The following PHC3 variants were observed in gnomAD, a reference collection of about 807,000 sequenced individuals.
The protein encoded by PHC3 is polyhomeotic homolog 3.
PHC3 carries 13 observed loss-of-function variants against 107.4 expected under a neutral mutation model. That is an observed-to-expected ratio of 0.12 (90% CI 0.08 to 0.19). The LOEUF is 0.19. Ranked by LOEUF, PHC3 falls within the 10% of genes least tolerant of loss-of-function variation. The pLI, the probability that PHC3 is intolerant of heterozygous loss-of-function variation, is 1.00. For missense variants in PHC3, 992 were observed against 1,210.9 expected (o/e 0.82, Z 2.68); for synonymous variants, 456 against 427.4 (o/e 1.07, Z -0.83).
chr3:170,148,842 C>A, intron 5 of PHC3: 1 of 358,256 alleles, frequency 2.8e-6, no homozygotes, highest in Non-Finnish European at 5.1e-6. Context: ...ATCACTCTTA[C>A]GTTACTGAAT....
intron 4 of PHC3, chr3:170,170,102 A>G (rs1729360657): frequency 6.6e-6 from 1 of 152,114 alleles, no homozygotes; most frequent in African/African-American, 2.4e-5. Flanking sequence ...AAAAAACCAC[A>G]GCTATATGCT....
At chr3:170,180,668 C>T (rs748569984) in intron 1 of PHC3, among the ~76,000 whole-genome samples, 1 of 150,596 alleles carries the variant, frequency 6.6e-6, no homozygotes, top group Non-Finnish European at 1.5e-5. Flanking sequence ...AAACTTTTTA[C>T]CGAACTGCTG....
At chr3:170,136,391 A>G (rs1278826659) in intron 7 of PHC3, 28 bp downstream of exon 7, 1 of 1,611,766 alleles carries the variant, frequency 6.2e-7, no homozygotes. Context: ...GAATAATACA[A>G]CTATTTTCAA....
chr3:170,115,939 A>G (rs529114581), intron 10 of PHC3, among the ~76,000 whole-genome samples: 156 of 151,920 alleles, frequency 1.0e-3, no homozygotes, highest in Non-Finnish European at 2.1e-3. Flanking sequence ...TTGGGTAGCT[A>G]TCTATCATAA....
chr3:170,173,250 C>T (rs1729912237), intron 2 of PHC3, among the ~76,000 whole-genome samples: 1 of 151,264 alleles, frequency 6.6e-6, no homozygotes, highest in South Asian at 2.1e-4. Flanking sequence ...CAGGCCAGGC[C>T]AACTAAGCAT....
intron 4 of PHC3, among the ~76,000 whole-genome samples, chr3:170,162,073 T>C (rs557295673): frequency 3.3e-5 from 5 of 152,334 alleles, no homozygotes; most frequent in Non-Finnish European, 7.3e-5. Context: ...TACAGAAAAT[T>C]GGCAGGCAGG....
intron 8 of PHC3, among the ~76,000 whole-genome samples, chr3:170,126,192 G>GA (rs1227999435): frequency 6.6e-6 from 1 of 151,814 alleles, no homozygotes; most frequent in South Asian, 2.1e-4. Context: ...TTAAGTGTTT[G>GA]AAACAACCAG....
rs561157561 is a variant in PHC3 at position 170,093,957 on chromosome 3, T to C, written c.*3273A>G. 1.3e-5 allele frequency: 2 copies of C among 152,298 alleles called. No homozygotes were observed. The highest frequency in any genetic ancestry group is 4.8e-5 in the African/African-American group (2 of 41,570). The allele number at this position is 152,298 out of a possible 1,614,324, so 9.4% of individuals were successfully genotyped here. On this transcript the variant is annotated 3_prime_UTR_variant, in exon 15 of 15. Coordinates refer to ENST00000495893, the MANE Select transcript of PHC3 (RefSeq NM_024947.4). ...TGCAGAAATGTGCTCAGTGTTGAAGTAGGCTAAGCTAACAAGGATGATGGC... is the reference window on the plus strand; with the variant it reads ...TGCAGAAATGTGCTCAGTGTTGAAGCAGGCTAAGCTAACAAGGATGATGGC...
At position 170,097,140 on chromosome 3, in the gene PHC3, G is replaced by T; in HGVS notation, c.*90C>A. 1 of 1,293,908 alleles carries T rather than the reference G, an allele frequency of 7.7e-7. No individual in the cohort carries two copies. 80.2% of individuals were successfully genotyped at this position (1,293,908 alleles called of 1,614,324 possible). The stretch of plus-strand genomic sequence containing the variant: ...TGTGCTTGGCTATCCACCACAATAA[G>T]TGTCATATTCTAGACCAAGTTAGGC... On this transcript the variant is annotated 3_prime_UTR_variant, in exon 15 of 15. Transcript: ENST00000495893. The surrounding 1 kb of genome is among the most constrained non-coding windows in gnomAD (Gnocchi z 4.1).
intron 4 of PHC3, among the ~76,000 whole-genome samples, chr3:170,152,337 ATTTTTTTTTT>A (rs1220193435): frequency 8.2e-6 from 1 of 122,164 alleles, no homozygotes; most frequent in Non-Finnish European, 1.7e-5. Flanking sequence ...CGCCTGGCTA[ATTTTTTTTTT>A]TTTTTTTTTT....
At chr3:170,152,251 A>C (rs1432374713) in intron 4 of PHC3, among the ~76,000 whole-genome samples, 1 of 150,720 alleles carries the variant, frequency 6.6e-6, no homozygotes, top group African/African-American at 2.4e-5. Context: ...GCTCACTGCA[A>C]CCTCCACCTC....
rs967801893 is a variant in PHC3 at position 170,146,035 on chromosome 3, G to A, written c.574-514C>T. Among the ~76,000 whole-genome samples the A allele has an allele frequency of 7.2e-5, 11 of 152,136 alleles. No individual in the cohort carries two copies. The East Asian group carries it at 2.1e-3, about 29-fold the overall frequency. On this transcript the variant is annotated intron_variant, in intron 5 of 14. Transcript: ENST00000495893. ...TCACTTAGCTACAAAGGATCTAAAG[G>A]ACAAATCCAGGTTGCCCTTTCATTT...
At chr3:170,161,669 CCT>C (rs1454668621) in intron 4 of PHC3, among the ~76,000 whole-genome samples, 8 of 152,164 alleles carry the variant, frequency 5.3e-5, no homozygotes, top group African/African-American at 1.9e-4. Flanking sequence ...TGGCCTGACC[CCT>C]GACTTAAACA....
chr3:170,101,435 A>G (rs557996252), intron 14 of PHC3, among the ~76,000 whole-genome samples: 1 of 152,318 alleles, frequency 6.6e-6, no homozygotes, highest in Admixed American at 6.5e-5. Context: ...TTGCCATCAG[A>G]GAAAGACTAA....
At position 170,177,726 on chromosome 3, in the gene PHC3, A is replaced by G. The variant is rs894049675; in HGVS notation, c.180+1047T>C. Among the ~76,000 whole-genome samples, 3 of 136,928 alleles carry G rather than the reference A, an allele frequency of 2.2e-5. No individual in the cohort carries two copies. In the East Asian group the frequency reaches 6.4e-4, roughly 29 times the overall value. 89.8% of individuals were successfully genotyped at this position (136,928 alleles called of 152,430 possible). A position where few individuals can be genotyped will look rare whatever the true frequency, so the allele number is the denominator to read the frequency against. On this transcript the variant is annotated intron_variant, in intron 2 of 14. Coordinates refer to ENST00000495893, the MANE Select transcript of PHC3 (RefSeq NM_024947.4). ...CACTCTGTCACCTAGACTGGAGTAC[A>G]GTGGTGCGATCACAGCTCATTGCAG...
At chr3:170,129,629 G>T in intron 7 of PHC3, 77 bp from the exon 8 acceptor site, 1 of 1,313,370 alleles carries the variant, frequency 7.6e-7, no homozygotes, top group Non-Finnish European at 1.1e-6. Context: ...AGGAAAAAGT[G>T]TTCATTATCA....
intron 1 of PHC3, among the ~76,000 whole-genome samples, chr3:170,181,274 A>C (rs959095266): frequency 3.9e-5 from 6 of 152,110 alleles, no homozygotes; most frequent in East Asian, 1.9e-4. Context: ...AAGGAGAAGA[A>C]GGCGAAGGAG....
chr3:170,137,548 C>A (rs1181446771), intron 6 of PHC3, among the ~76,000 whole-genome samples: 1 of 152,182 alleles, frequency 6.6e-6, no homozygotes, highest in Non-Finnish European at 1.5e-5. Flanking sequence ...CCGAAGTGAT[C>A]AAGCAAATGA....
chr3:170,154,870 G>C (rs921064977), intron 4 of PHC3, among the ~76,000 whole-genome samples: 4 of 152,178 alleles, frequency 2.6e-5, no homozygotes, highest in African/African-American at 9.7e-5. Context: ...TTCCACAACT[G>C]ATAAGGCTCT....
Sources: allele counts gnomAD v4.1 joint callset (sites outside exome capture counted in the v4.1 genomes callset), GRCh38; gene constraint gnomAD v4.1.1; non-coding constraint Gnocchi (gnomAD v3.1); transcripts MANE v1.5; gene names NCBI Gene and HGNC (gene_info 2026-07-23, HGNC 2026-07-21).